The following NHS variants were observed in gnomAD, a reference collection of about 807,000 sequenced individuals.
NHS encodes the protein actin remodeling regulator NHS.
A neutral mutation model predicts 72.5 loss-of-function variants in NHS; 5 were observed. That is an observed-to-expected ratio of 0.07 (90% CI 0.04 to 0.14). The LOEUF (loss-of-function observed/expected upper bound fraction) is 0.14, where lower values mean the gene tolerates loss of function less well. NHS is among the 10% of genes least tolerant of loss of function. The pLI, the probability that NHS is intolerant of heterozygous loss-of-function variation, is 1.00. For synonymous variants in NHS, 464 were observed against 547.7 expected (o/e 0.85, Z 2.13); for missense variants, 1,072 against 1,355.7 (o/e 0.79, Z 3.29).
At chrX:17,420,771 A>G (rs1267938222) in intron 1 of NHS, among the ~76,000 whole-genome samples, 1 of 112,324 alleles carries the variant, frequency 8.9e-6, no homozygotes, top group Non-Finnish European at 1.9e-5. Context: ...ACTTCTTTAT[A>G]GAAAAGCAGT....
intron 1 of NHS, among the ~76,000 whole-genome samples, chrX:17,381,765 T>C (rs1174906521): frequency 8.9e-6 from 1 of 112,549 alleles, no homozygotes; most frequent in South Asian, 3.6e-4. Flanking sequence ...TGCTTCTTGA[T>C]GAACTTATGT....
At chrX:17,652,992 C>A (rs2065937446) in intron 1 of NHS, among the ~76,000 whole-genome samples, 1 of 111,438 alleles carries the variant, frequency 9.0e-6, no homozygotes, top group African/African-American at 3.3e-5. Flanking sequence ...TGTATCCCCA[C>A]AAGCACCCAG....
intron 1 of NHS, among the ~76,000 whole-genome samples, chrX:17,428,414 C>T (rs774767653): frequency 3.6e-5 from 4 of 112,392 alleles, no homozygotes; most frequent in Non-Finnish European, 7.5e-5. Flanking sequence ...AATGTTCTTT[C>T]TTTGCCCTGG....
At chrX:17,701,400 G>C (rs2066262348) in intron 3 of NHS, among the ~76,000 whole-genome samples, 1 of 111,775 alleles carries the variant, frequency 8.9e-6, no homozygotes, top group Non-Finnish European at 1.9e-5. Flanking sequence ...GAGAAAATGG[G>C]AGTTAGGGGC....
intron 1 of NHS, among the ~76,000 whole-genome samples, chrX:17,494,731 T>C (rs2065004975): frequency 8.9e-6 from 1 of 112,605 alleles, no homozygotes. Flanking sequence ...TGGGGGTCCT[T>C]GATGGTAGAA....
chrX:17,476,041 G>T (rs1207319339), intron 1 of NHS, among the ~76,000 whole-genome samples: 1 of 111,969 alleles, frequency 8.9e-6, no homozygotes, highest in East Asian at 2.8e-4. Context: ...GGGAGGATGG[G>T]GGTGGGTGAG....
chrX:17,693,388 A>T (rs1240822959), intron 3 of NHS, among the ~76,000 whole-genome samples: 1 of 112,455 alleles, frequency 8.9e-6, no homozygotes, highest in East Asian at 2.8e-4. Context: ...TGCCTGTCTG[A>T]ATGTCTGCAT....
At chrX:17,645,297 T>C (rs989896734) in intron 1 of NHS, among the ~76,000 whole-genome samples, 2 of 112,031 alleles carry the variant, frequency 1.8e-5, no homozygotes, top group African/African-American at 6.5e-5. Flanking sequence ...TTTCCAGCAA[T>C]ATTATGGGGG....
At chrX:17,548,063 A>C (rs1193336027) in intron 1 of NHS, among the ~76,000 whole-genome samples, 1 of 111,837 alleles carries the variant, frequency 8.9e-6, no homozygotes, top group Non-Finnish European at 1.9e-5. Flanking sequence ...GGACCAAAGC[A>C]AGTTGCAAGA....
At chrX:17,653,738 C>G (rs2065940936) in intron 1 of NHS, among the ~76,000 whole-genome samples, 1 of 111,301 alleles carries the variant, frequency 9.0e-6, no homozygotes, top group Non-Finnish European at 1.9e-5. Flanking sequence ...CGAGGGCAGC[C>G]ATTTTGCTCA....
At chrX:17,626,759 A>C (rs934859763) in intron 1 of NHS, among the ~76,000 whole-genome samples, 1 of 112,380 alleles carries the variant, frequency 8.9e-6, no homozygotes, top group African/African-American at 3.2e-5. Flanking sequence ...TTAGCATCTT[A>C]TAACTCAAAG....
At chrX:17,730,691 T>C (rs1053715467) in intron 8 of NHS, among the ~76,000 whole-genome samples, 1 of 112,676 alleles carries the variant, frequency 8.9e-6, no homozygotes, top group African/African-American at 3.2e-5. Flanking sequence ...AATAGATGTA[T>C]TGAGTTTGGT....
Position 17,719,413 on chromosome X carries a change from G to C in NHS, c.915+7G>C, listed in dbSNP as rs2066392229. 1.7e-6 allele frequency: 2 copies of C among 1,154,957 alleles called. No homozygotes were observed. Among genetic ancestry groups the C allele is most frequent in the East Asian group, 6.5e-5 (2 of 30,688 alleles). ...GACCCCGTGGAGTAGAAAGGTATTG[G>C]TTCTGAGAACATTCCTTCACGGCCC... is the stretch of plus-strand genomic sequence containing the variant. On this transcript the variant is annotated splice_region_variant and intron_variant, in intron 4 of 8. Coordinates refer to ENST00000676302, the MANE Select transcript of NHS (RefSeq NM_001291867.2).
intron 1 of NHS, among the ~76,000 whole-genome samples, chrX:17,466,152 A>G (rs1005523631): frequency 6.6e-4 from 75 of 113,367 alleles, no homozygotes; most frequent in African/African-American, 2.3e-3. Flanking sequence ...CCTGTCGGGC[A>G]TCATATTTAC....
At chrX:17,643,446 G>A (rs2065891664) in intron 1 of NHS, among the ~76,000 whole-genome samples, 1 of 111,568 alleles carries the variant, frequency 9.0e-6, no homozygotes, top group Admixed American at 9.6e-5. Flanking sequence ...GATGTGCTAT[G>A]GCCTGTGCTA....
At chrX:17,475,340 G>A (rs1431175495) in intron 1 of NHS, among the ~76,000 whole-genome samples, 1 of 112,410 alleles carries the variant, frequency 8.9e-6, no homozygotes, top group Non-Finnish European at 1.9e-5. Flanking sequence ...CACGGAGAAC[G>A]AATGTCGCTC....
intron 1 of NHS, among the ~76,000 whole-genome samples, chrX:17,420,598 C>G (rs111334040): frequency 0.034 from 3,779 of 111,918 alleles, 170 homozygotes; most frequent in African/African-American, 0.12. Flanking sequence ...GTCCATTCAT[C>G]CATCCATCTG....
intron 1 of NHS, among the ~76,000 whole-genome samples, chrX:17,465,045 G>T (rs984365892): frequency 8.0e-5 from 9 of 111,977 alleles, no homozygotes; most frequent in African/African-American, 2.6e-4. Context: ...AACGGAAGGT[G>T]GGAACTTGCA....
chrX:17,381,023 T>C (rs2064375300), intron 1 of NHS, among the ~76,000 whole-genome samples: 1 of 110,314 alleles, frequency 9.1e-6, no homozygotes, highest in African/African-American at 3.3e-5. Context: ...GTGTTGGCAA[T>C]GTGAGGAGAG....
Sources: allele counts gnomAD v4.1 joint callset (sites outside exome capture counted in the v4.1 genomes callset), GRCh38; gene constraint gnomAD v4.1.1; transcripts MANE v1.5; gene names NCBI Gene and HGNC (gene_info 2026-07-23, HGNC 2026-07-21).